BACE2: variants seen among roughly 807,000 people sequenced by gnomAD.
BACE2 encodes 56 kDa aspartic-like protease.
A neutral mutation model predicts 46.2 loss-of-function variants in BACE2; 17 were observed. The ratio of observed to expected loss-of-function variants is 0.37; its 90% confidence interval spans 0.25 to 0.55. The LOEUF is 0.55. Among genes scored for constraint, BACE2 ranks in the 20% least tolerant of loss-of-function variants. The pLI is 0.82. For missense variants in BACE2, 595 were observed against 698.1 expected, an observed-to-expected ratio of 0.85 and a Z score of 1.66; for synonymous variants, 277 against 295.9, an observed-to-expected ratio of 0.94 and a Z score of 0.66.
intron 1 of BACE2, among the ~76,000 whole-genome samples, chr21:41,173,358 C>T (rs1007697601): frequency 1.3e-5 from 2 of 152,146 alleles, no homozygotes; most frequent in African/African-American, 4.8e-5. Flanking sequence ...TGCCCTGGGG[C>T]TTAGGGTGGG....
At chr21:41,274,481 T>C (rs2088463989) in intron 8 of BACE2, among the ~76,000 whole-genome samples, 1 of 152,178 alleles carries the variant, frequency 6.6e-6, no homozygotes, top group Non-Finnish European at 1.5e-5. Flanking sequence ...TGATTAAATA[T>C]AGGAAAAATG....
intron 8 of BACE2, among the ~76,000 whole-genome samples, chr21:41,268,674 GCTGCAGTATGCTA>G (rs1257715236): frequency 6.6e-6 from 1 of 152,112 alleles, no homozygotes; most frequent in East Asian, 1.9e-4. Context: ...TGAGTTTGAG[GCTGCAGTATGCTA>G]CTATCATGCC....
chr21:41,252,803 G>A (rs1987677665), intron 7 of BACE2, among the ~76,000 whole-genome samples: 1 of 152,176 alleles, frequency 6.6e-6, no homozygotes, highest in Non-Finnish European at 1.5e-5. Context: ...AAAAGTAAAT[G>A]GTACTACTGC....
intron 1 of BACE2, among the ~76,000 whole-genome samples, chr21:41,214,724 T>G (rs931409848): frequency 7.9e-5 from 12 of 152,210 alleles, no homozygotes; most frequent in Non-Finnish European, 1.5e-4. Flanking sequence ...AACTGTTTAG[T>G]GAGCACCTAC....
intron 7 of BACE2, among the ~76,000 whole-genome samples, chr21:41,255,498 C>T (rs1333259684): frequency 2.0e-5 from 3 of 152,306 alleles, no homozygotes; most frequent in Non-Finnish European, 4.4e-5. Context: ...GTGAAGAAAG[C>T]GTCCACACGG....
intron 7 of BACE2, among the ~76,000 whole-genome samples, chr21:41,253,388 G>A (rs1469623965): frequency 2.0e-5 from 3 of 149,372 alleles, no homozygotes; most frequent in Non-Finnish European, 4.4e-5. Context: ...GTTGCAGTGA[G>A]CTGAGATCGT....
rs1491471849 is a variant in BACE2, at chr21:41,174,138, CCT to C, written c.312+5564_312+5565del. 6.7e-3 allele frequency among the ~76,000 whole-genome samples: 475 copies of C among 70,640 alleles called. 19 individuals are homozygous for C. Among genetic ancestry groups the C allele is most frequent in the African/African-American group, 0.041 (433 of 10,554 alleles). The allele number at this position is 70,640 out of a possible 152,430, so 46.3% of individuals were successfully genotyped here. A position where few individuals can be genotyped will look rare whatever the true frequency, so the allele number is the denominator to read the frequency against. On this transcript the variant is annotated intron_variant, in intron 1 of 8. Transcript: ENST00000330333. ...TAAGGATAGCTGTTGTGATCAGTGG[CCT>C]TTTTTTTTTTTTTTTTTTTTTTTTA... is the stretch of plus-strand genomic sequence containing the variant.
chr21:41,211,073 A>ATTT (rs967742148), intron 1 of BACE2, among the ~76,000 whole-genome samples: 1 of 150,116 alleles, frequency 6.7e-6, no homozygotes, highest in Non-Finnish European at 1.5e-5. Flanking sequence ...TATTGTGTTG[A>ATTT]TTTTTTTTTT....
intron 1 of BACE2, among the ~76,000 whole-genome samples, chr21:41,188,468 C>T (rs1985454133): frequency 6.6e-6 from 1 of 152,118 alleles, no homozygotes. Context: ...AATCCAGTTT[C>T]TCAGAAAGAA....
chr21:41,214,507 T>A (rs2123552988), intron 1 of BACE2, among the ~76,000 whole-genome samples: 1 of 152,310 alleles, frequency 6.6e-6, no homozygotes. Flanking sequence ...GTTTTCATCG[T>A]GGGGGCATAG....
At chr21:41,213,966 A>T (rs998044456) in intron 1 of BACE2, among the ~76,000 whole-genome samples, 6 of 152,202 alleles carry the variant, frequency 3.9e-5, no homozygotes, top group Admixed American at 6.5e-5. Flanking sequence ...CCTGGTCACC[A>T]GGAGGCAAAC....
chr21:41,221,628 A>C (rs902870077), intron 1 of BACE2, among the ~76,000 whole-genome samples: 4 of 152,230 alleles, frequency 2.6e-5, no homozygotes, highest in Admixed American at 1.3e-4. Context: ...GATCGAGACC[A>C]TCCTGGCTAA....
At chr21:41,183,032 G>A (rs1265647070) in intron 1 of BACE2, 1 of 166,404 alleles carries the variant, frequency 6.0e-6, no homozygotes, top group African/African-American at 2.4e-5. Context: ...TGGAAACCTA[G>A]GAAGGAAGAA....
intron 8 of BACE2, among the ~76,000 whole-genome samples, chr21:41,264,330 C>T (rs1347415616): frequency 6.6e-6 from 1 of 151,736 alleles, no homozygotes; most frequent in Admixed American, 6.6e-5. Flanking sequence ...TACCTGTAAT[C>T]CCAGAACTTT....
At chr21:41,184,991 A>G (rs536171825) in intron 1 of BACE2, 1 of 167,202 alleles carries the variant, frequency 6.0e-6, no homozygotes, top group East Asian at 1.9e-4. Flanking sequence ...TGGTGTTGCA[A>G]TACAAAATGA....
chr21:41,200,711 T>G (rs185281159), intron 1 of BACE2, among the ~76,000 whole-genome samples: 1 of 152,120 alleles, frequency 6.6e-6, no homozygotes, highest in Admixed American at 6.5e-5. Context: ...CAAGTGTCCT[T>G]ATATAGGACA....
intron 1 of BACE2, among the ~76,000 whole-genome samples, chr21:41,212,754 A>G (rs1378630333): frequency 6.6e-6 from 1 of 152,174 alleles, no homozygotes; most frequent in Non-Finnish European, 1.5e-5. Flanking sequence ...GACACTAGAT[A>G]ATCTCACTCC....
At chr21:41,214,174 A>G (rs1419095997) in intron 1 of BACE2, among the ~76,000 whole-genome samples, 1 of 152,146 alleles carries the variant, frequency 6.6e-6, no homozygotes, top group Non-Finnish European at 1.5e-5. Context: ...GGGGAGAGGA[A>G]CCCACCTCTT....
rs1461565625 is a variant in BACE2 at position 41,241,830 on chromosome 21, T to C, written c.630T>C (p.Ser210=). ...TCGCCCTCCCGCAGCCATCAAGTTC[T>C]CTGGAGACCTTCTTCGACTCCCTGG... ...AYATLAKPSS[S]LETFFDSLVT... The change falls in exon 4 of 9, where the codon TCT becomes TCC. Residue 210 remains serine, a synonymous_variant. Transcript: ENST00000330333. 1.2e-6 allele frequency: 2 copies of C among 1,614,154 alleles called. No homozygotes were observed. Among genetic ancestry groups the C allele is most frequent in the East Asian group, 4.5e-5 (2 of 44,872 alleles).
Sources: allele counts gnomAD v4.1 joint callset (sites outside exome capture counted in the v4.1 genomes callset), GRCh38; gene constraint gnomAD v4.1.1; transcripts MANE v1.5; gene names NCBI Gene and HGNC (gene_info 2026-07-23, HGNC 2026-07-21).